The following NMI variants were observed in gnomAD, a reference collection of about 807,000 sequenced individuals.
The protein encoded by NMI is N-myc-interactor.
In NMI, 39 loss-of-function variants were observed where a neutral mutation model predicts 34.3. The observed-to-expected ratio is 1.14, with a 90% confidence interval of 0.88 to 1.49. The LOEUF (loss-of-function observed/expected upper bound fraction) is 1.49. NMI is among the 40% of genes most tolerant of loss of function. The probability of loss-of-function intolerance (pLI) is 0.00; values close to 1 mark genes in which losing one functional copy is unlikely to be tolerated. For missense variants in NMI, 339 were observed against 358.1 expected (o/e 0.95, Z 0.43); for synonymous variants, 113 against 120.3 (o/e 0.94, Z 0.40).
At chr2:151,286,602 G>A (rs1474258526) in intron 1 of NMI, among the ~76,000 whole-genome samples, 2 of 138,438 alleles carry the variant, frequency 1.4e-5, no homozygotes, top group East Asian at 2.1e-4. Flanking sequence ...TGTGGGACCT[G>A]CCAGAAAACA....
chr2:151,274,936 A>G (rs1232907203), intron 6 of NMI, among the ~76,000 whole-genome samples: 1 of 151,828 alleles, frequency 6.6e-6, no homozygotes, highest in Non-Finnish European at 1.5e-5. Context: ...GCTGTAGTGC[A>G]GTGGTGCAAT....
chr2:151,274,989 T>A (rs1218350593), intron 6 of NMI, among the ~76,000 whole-genome samples: 1 of 151,914 alleles, frequency 6.6e-6, no homozygotes, highest in Non-Finnish European at 1.5e-5. Flanking sequence ...CAAGTAATCC[T>A]CCCACCTCAG....
intron 1 of NMI, among the ~76,000 whole-genome samples, chr2:151,283,952 T>C (rs1184037958): frequency 6.6e-6 from 1 of 152,266 alleles, no homozygotes; most frequent in Non-Finnish European, 1.5e-5. Flanking sequence ...ACATTGCTTC[T>C]ACATTAGTTA....
chr2:151,275,702 A>G, intron 5 of NMI, 32 bp from the exon 6 acceptor site: 2 of 1,610,774 alleles, frequency 1.2e-6, no homozygotes, highest in South Asian at 1.1e-5. Context: ...AGAAATATGG[A>G]TGAGAGAAGT....
At chr2:151,273,365 C>T (rs446791) in intron 6 of NMI, among the ~76,000 whole-genome samples, 41,616 of 152,096 alleles carry the variant, frequency 0.27, 8,882 homozygotes, top group African/African-American at 0.6. Flanking sequence ...TAGTTACCTG[C>T]TGGATAACCT....
At chr2:151,284,357 G>A (rs1274511325) in intron 1 of NMI, among the ~76,000 whole-genome samples, 2 of 151,892 alleles carry the variant, frequency 1.3e-5, no homozygotes, top group Non-Finnish European at 2.9e-5. Context: ...AGTGCAGTGG[G>A]GCATGAACAC....
intron 7 of NMI, among the ~76,000 whole-genome samples, 177 bp from the exon 8 acceptor site, chr2:151,271,052 C>G (rs910849472): frequency 6.6e-6 from 1 of 152,112 alleles, no homozygotes; most frequent in Admixed American, 6.5e-5. Flanking sequence ...AAAGAGAACT[C>G]TGGTGGCATT....
intron 1 of NMI, among the ~76,000 whole-genome samples, chr2:151,283,576 C>T (rs1367505019): frequency 6.6e-6 from 1 of 152,194 alleles, no homozygotes; most frequent in Non-Finnish European, 1.5e-5. Flanking sequence ...ATATCATGCT[C>T]CATTTTAAAT....
At chr2:151,279,982 G>C in intron 3 of NMI, among the ~76,000 whole-genome samples, 1 of 152,010 alleles carries the variant, frequency 6.6e-6, no homozygotes, top group East Asian at 1.9e-4. Flanking sequence ...GATCACCTGA[G>C]GTCAGGAGTT....
rs1005983372 is a variant in NMI, at chr2:151,278,925, G to C, written c.243C>G (p.Ser81Arg). 4.3e-6 allele frequency: 7 copies of C among 1,611,474 alleles called. No individual in the cohort carries two copies. The Admixed American group carries it at 1.2e-4, about 27-fold the overall frequency. The change falls in exon 4 of 8, where the codon AGC (serine) becomes AGG (arginine). Residue 81 changes from serine to arginine, a missense_variant. By Grantham distance (110) the Ser-to-Arg change is moderately radical (BLOSUM62 -1). Transcript: ENST00000243346. ...ACGAACAGGAGATATTTGACAACTG[G>C]CTGTCATTCTCAGGAGTTTCAACTG... ...FLSVETPEND[S>R]QLSNISCSFQ... is the part of the protein sequence containing the mutation.
chr2:151,287,017 G>A (rs753619162), intron 1 of NMI, among the ~76,000 whole-genome samples: 1 of 152,054 alleles, frequency 6.6e-6, no homozygotes, highest in Non-Finnish European at 1.5e-5. Context: ...ACACTATCAG[G>A]ACAACTGGTG....
At chr2:151,277,833 G>A (rs539037731) in intron 4 of NMI, 2 of 152,262 alleles carry the variant, frequency 1.3e-5, no homozygotes, top group East Asian at 3.9e-4. Flanking sequence ...GGAAGGGCTG[G>A]GAACACCATC....
Position 151,276,605 on chromosome 2 carries a change from G to A in NMI, c.341-741C>T, listed in dbSNP as rs117242863. Among the ~76,000 whole-genome samples the A allele has an allele frequency of 4.0e-3, 604 of 152,240 alleles. 11 individuals carry two copies. The East Asian group carries it at 0.058, about 15-fold the overall frequency. On this transcript the variant is annotated intron_variant, in intron 4 of 7. Transcript: ENST00000243346. ...GAAAGTGTCCCATGTTCAGTAAGCTGGGAAAACTTTCATGGCTAAGTGTCA... is the reference window on the plus strand; with the variant it reads ...GAAAGTGTCCCATGTTCAGTAAGCTAGGAAAACTTTCATGGCTAAGTGTCA...
intron 1 of NMI, chr2:151,289,087 C>CAA (rs200462564): frequency 1.4e-5 from 2 of 144,874 alleles, no homozygotes; most frequent in Non-Finnish European, 3.1e-5. Flanking sequence ...ACTAAAAATA[C>CAA]AAAAAAAAAA....
At chr2:151,288,103 T>G (rs947620974) in intron 1 of NMI, among the ~76,000 whole-genome samples, 2 of 152,232 alleles carry the variant, frequency 1.3e-5, no homozygotes, top group Admixed American at 6.5e-5. Context: ...ATTCCTTTTA[T>G]GCAATCATGT....
intron 4 of NMI, 51 bp from the exon 5 acceptor site, chr2:151,275,915 G>T: frequency 8.4e-7 from 1 of 1,190,126 alleles, no homozygotes; most frequent in South Asian, 1.4e-5. Context: ...TTTAAGAATT[G>T]TTATGCTTTT....
At chr2:151,272,501 T>C (rs1198326285) in intron 6 of NMI, among the ~76,000 whole-genome samples, 1 of 152,208 alleles carries the variant, frequency 6.6e-6, no homozygotes, top group Non-Finnish European at 1.5e-5. Context: ...ACAGCCACTG[T>C]AGAAAACAGT....
intron 1 of NMI, among the ~76,000 whole-genome samples, chr2:151,285,652 C>G (rs143484981): frequency 1.3e-5 from 2 of 150,698 alleles, no homozygotes; most frequent in Admixed American, 1.3e-4. Context: ...TACATATATA[C>G]CCTAGCTCTG....
At chr2:151,284,531 C>T (rs1683461824) in intron 1 of NMI, among the ~76,000 whole-genome samples, 1 of 152,000 alleles carries the variant, frequency 6.6e-6, no homozygotes, top group Non-Finnish European at 1.5e-5. Context: ...CTCCTGGGCT[C>T]AAACAATCCG....
Sources: allele counts gnomAD v4.1 joint callset (sites outside exome capture counted in the v4.1 genomes callset), GRCh38; gene constraint gnomAD v4.1.1; transcripts MANE v1.5; gene names NCBI Gene and HGNC (gene_info 2026-07-23, HGNC 2026-07-21).